Variants in DHX15 observed in about 807,000 individuals in gnomAD.
DHX15 encodes the protein DEAH-box helicase 15.
A neutral mutation model predicts 94.4 loss-of-function variants in DHX15; 11 were observed. The observed-to-expected ratio is 0.12, with a 90% CI of 0.07 to 0.19. The LOEUF (loss-of-function observed/expected upper bound fraction) is 0.19, where lower values mean the gene tolerates loss of function less well. DHX15 is among the 10% of genes least tolerant of loss of function. The pLI, the probability that DHX15 is intolerant of heterozygous loss-of-function variation, is 1.00. For missense variants in DHX15, 304 were observed against 988.5 expected (o/e 0.31, Z 9.29); for synonymous variants, 338 against 329.9 (o/e 1.02, Z -0.27).
At chr4:24,569,356 G>A (rs1722066032) in intron 3 of DHX15, among the ~76,000 whole-genome samples, 1 of 152,092 alleles carries the variant, frequency 6.6e-6, no homozygotes, top group Non-Finnish European at 1.5e-5. Context: ...ACTGTGGGAG[G>A]CTGAGGCGGG....
At position 24,548,924 on chromosome 4, in the gene DHX15, T is replaced by C; in HGVS notation, c.1179A>G (p.Pro393=). 2.5e-6 allele frequency: 4 copies of C among 1,613,814 alleles called. No individual in the cohort carries two copies. Among genetic ancestry groups the C allele is most frequent in the Non-Finnish European group, 3.4e-6 (4 of 1,179,802 alleles). ...CAAAAATGCGTTGCTGCTGCTGAGG[T>C]GGAAGTGTAGAATACAATGGAATGA... ...IKIIPLYSTL[P]PQQQQRIFEP... Residue 393 remains proline (P), a synonymous_variant, in exon 6 of 14, where the codon CCA becomes CCG. Coordinates refer to ENST00000336812, the MANE Select transcript of DHX15 (RefSeq NM_001358.3).
chr4:24,564,559 T>C (rs1479055017), intron 3 of DHX15, among the ~76,000 whole-genome samples: 4 of 152,230 alleles, frequency 2.6e-5, no homozygotes, highest in Non-Finnish European at 4.4e-5. Flanking sequence ...TCACCTTTTA[T>C]TGGCTTGACA....
chr4:24,559,864 CTGA>C (rs1017195717), intron 3 of DHX15, among the ~76,000 whole-genome samples: 1 of 152,128 alleles, frequency 6.6e-6, no homozygotes, highest in African/African-American at 2.4e-5. Context: ...TCAAGTGATT[CTGA>C]TGATTGCTAA....
chr4:24,580,679 A>AT (rs1332143316), intron 1 of DHX15: 2 of 152,012 alleles, frequency 1.3e-5, no homozygotes, highest in Non-Finnish European at 2.9e-5. Context: ...TGCCCAGTGT[A>AT]TTTTTGTATT....
chr4:24,576,158 G>T, intron 2 of DHX15, 85 bp downstream of exon 2: 2 of 1,089,038 alleles, frequency 1.8e-6, no homozygotes, highest in East Asian at 2.5e-5. Flanking sequence ...GGACAGACAA[G>T]GGAAATGACC....
intron 1 of DHX15, among the ~76,000 whole-genome samples, chr4:24,581,221 G>A (rs919663790): frequency 5.9e-5 from 9 of 151,670 alleles, no homozygotes; most frequent in Non-Finnish European, 8.8e-5. Flanking sequence ...GTAGAGACAG[G>A]GTTTCACCGT....
chr4:24,576,767 C>A, intron 1 of DHX15, 89 bp from the exon 2 acceptor site: 1 of 1,500,892 alleles, frequency 6.7e-7, no homozygotes, highest in Non-Finnish European at 8.9e-7. Context: ...AAATGTCCAA[C>A]GTTCAAATGA....
At chr4:24,560,948 G>T (rs1469455852) in intron 3 of DHX15, among the ~76,000 whole-genome samples, 2 of 152,168 alleles carry the variant, frequency 1.3e-5, no homozygotes, top group African/African-American at 4.8e-5. Flanking sequence ...GTTGGCAAGG[G>T]TAAAGAAACA....
chr4:24,541,797 A>C, intron 8 of DHX15, 76 bp downstream of exon 8: 1 of 1,377,674 alleles, frequency 7.3e-7, no homozygotes, highest in Non-Finnish European at 9.7e-7. Flanking sequence ...TTAAGTAAAT[A>C]AGGCAATGTT....
chr4:24,552,421 A>T (rs1318680871), intron 5 of DHX15, among the ~76,000 whole-genome samples: 2 of 152,222 alleles, frequency 1.3e-5, no homozygotes, highest in Non-Finnish European at 2.9e-5. Flanking sequence ...TCTAGGCAAC[A>T]CTTTAAACTG....
chr4:24,576,474 CGTTGAATGT>C lies in DHX15; in HGVS notation c.267_275del (p.Thr95_Ser97del). 3.7e-6 allele frequency: 6 copies of C among 1,614,050 alleles called. No homozygotes were observed. The highest frequency in any genetic ancestry group is 4.2e-6 in the Non-Finnish European group (5 of 1,180,014). The stretch of plus-strand genomic sequence containing the variant: ...TTGAATGAGCAGAATGTGTTGAATG[CGTTGAATGT>C]GCTGAGTGGGTTGAGTGAGCTGAAT... On this transcript the variant is annotated inframe_deletion, in exon 2 of 14. Transcript: ENST00000336812.
intron 8 of DHX15, 77 bp downstream of exon 8, chr4:24,541,796 T>C (rs1274052476): frequency 1.5e-6 from 2 of 1,374,716 alleles, no homozygotes; most frequent in African/African-American, 1.5e-5. Flanking sequence ...ATTAAGTAAA[T>C]AAGGCAATGT....
chr4:24,536,857 T>C (rs774748375), intron 11 of DHX15, among the ~76,000 whole-genome samples, 194 bp downstream of exon 11: 1 of 151,958 alleles, frequency 6.6e-6, no homozygotes, highest in Non-Finnish European at 1.5e-5. Context: ...CTTTATCCCC[T>C]GATTATAAAC....
intron 1 of DHX15, among the ~76,000 whole-genome samples, chr4:24,583,490 C>G (rs531799214): frequency 8.6e-5 from 13 of 151,516 alleles, no homozygotes; most frequent in African/African-American, 3.1e-4. Flanking sequence ...AAAAACAATG[C>G]CTTCTAATCC....
chr4:24,580,470 T>C (rs1307366102), intron 1 of DHX15, among the ~76,000 whole-genome samples: 1 of 151,548 alleles, frequency 6.6e-6, no homozygotes, highest in Non-Finnish European at 1.5e-5. Flanking sequence ...AGGAAGACAT[T>C]AACTGGTCAT....
chr4:24,532,781 CT>C, intron 12 of DHX15, 82 bp downstream of exon 12: 1 of 1,102,070 alleles, frequency 9.1e-7, no homozygotes, highest in Non-Finnish European at 1.3e-6. Flanking sequence ...CTCACTTTTG[CT>C]TTTGAGTGGA....
chr4:24,580,149 T>C (rs1010625047), intron 1 of DHX15, among the ~76,000 whole-genome samples: 3 of 152,228 alleles, frequency 2.0e-5, no homozygotes, highest in Non-Finnish European at 4.4e-5. Context: ...GACTCACGCA[T>C]GTAATCCCAG....
intron 1 of DHX15, 55 bp downstream of exon 1, chr4:24,584,268 T>C: frequency 6.4e-7 from 1 of 1,557,630 alleles, no homozygotes; most frequent in Non-Finnish European, 8.7e-7. Context: ...GCCCGCTCCC[T>C]GCCAGGACCC....
chr4:24,582,072 A>G (rs917374526), intron 1 of DHX15, among the ~76,000 whole-genome samples: 2 of 150,516 alleles, frequency 1.3e-5, no homozygotes, highest in Admixed American at 1.3e-4. Flanking sequence ...CTTATCAGGG[A>G]AAAAAAAAAT....
Sources: allele counts gnomAD v4.1 joint callset (sites outside exome capture counted in the v4.1 genomes callset), GRCh38; gene constraint gnomAD v4.1.1; transcripts MANE v1.5; gene names NCBI Gene and HGNC (gene_info 2026-07-23, HGNC 2026-07-21).